Variants in GRM5 observed in about 807,000 individuals in gnomAD.
GRM5 encodes glutamate metabotropic receptor 5, also known as metabotropic glutamate receptor 5.
Under a neutral mutation model 83.1 loss-of-function variants are expected in GRM5, and 19 were observed. That is an observed-to-expected ratio of 0.23 (90% CI 0.16 to 0.34). The LOEUF (loss-of-function observed/expected upper bound fraction) is 0.34. GRM5 is among the 10% of genes least tolerant of loss of function. GRM5 has a pLI of 1.00. For missense variants in GRM5, 1,160 were observed against 1,588.3 expected (o/e 0.73, Z 4.58); for synonymous variants, 675 against 633.6 (o/e 1.07, Z -0.98).
At chr11:89,000,718 A>C (rs1044016056) in intron 2 of GRM5, among the ~76,000 whole-genome samples, 3 of 152,164 alleles carry the variant, frequency 2.0e-5, no homozygotes, top group Non-Finnish European at 2.9e-5. Flanking sequence ...AACAAAATTA[A>C]AAACTGCTCT....
Position 88,509,011 on chromosome 11 carries a change from C to G in GRM5, c.3220G>C (p.Glu1074Gln), listed in dbSNP as rs2135072109. Residue 1074 changes from glutamate to glutamine, a missense_variant, in exon 10 of 10, where the codon GAG becomes CAG. Coordinates refer to ENST00000305447, the MANE Select transcript of GRM5 (RefSeq NM_001143831.3). Reference sequence around the variant, plus strand: ...GTGGACAGCATCATGGAGTTGAGCTCGCTGATGTTGGCCGTGAAGCGGGTG... The same window carrying G: ...GTGGACAGCATCATGGAGTTGAGCTGGCTGATGTTGGCCGTGAAGCGGGTG... ...VVTRFTANIS[E>Q]LNSMMLSTAA... The G allele has an allele frequency of 6.4e-7, 1 of 1,574,580 alleles. No individual in the cohort carries two copies. The highest frequency in any genetic ancestry group is 8.6e-7 in the Non-Finnish European group (1 of 1,159,462).
At chr11:88,837,113 T>TA (rs1335052069) in intron 3 of GRM5, among the ~76,000 whole-genome samples, 22 of 152,096 alleles carry the variant, frequency 1.4e-4, no homozygotes, top group African/African-American at 4.1e-4. Flanking sequence ...TTATTTTTTT[T>TA]AAAAAAGAAA....
chr11:88,890,487 A>G (rs1050534005), intron 2 of GRM5, among the ~76,000 whole-genome samples: 2 of 149,838 alleles, frequency 1.3e-5, no homozygotes, highest in African/African-American at 4.8e-5. Flanking sequence ...AATGTCTACA[A>G]TAAGAGCTCT....
chr11:88,737,663 A>G (rs967648423), intron 3 of GRM5, among the ~76,000 whole-genome samples: 1 of 152,030 alleles, frequency 6.6e-6, no homozygotes, highest in Non-Finnish European at 1.5e-5. Flanking sequence ...ACATTTTGTG[A>G]TATTTTTTCA....
intron 4 of GRM5, among the ~76,000 whole-genome samples, chr11:88,605,836 T>C (rs1182839228): frequency 6.6e-6 from 1 of 152,238 alleles, no homozygotes; most frequent in Non-Finnish European, 1.5e-5. Context: ...ACTTAGTGCC[T>C]GTTATTTCTA....
chr11:89,000,203 T>C (rs1178926186), intron 2 of GRM5, among the ~76,000 whole-genome samples: 2 of 152,042 alleles, frequency 1.3e-5, no homozygotes, highest in East Asian at 3.9e-4. Context: ...CAAACCTGCA[T>C]GTTGTGCACA....
At chr11:88,957,158 C>T in intron 2 of GRM5, among the ~76,000 whole-genome samples, 1 of 152,300 alleles carries the variant, frequency 6.6e-6, no homozygotes, top group East Asian at 1.9e-4. Context: ...TGTTGAAAGA[C>T]TTGAACGATG....
chr11:88,877,008 TAAC>T (rs766494617), intron 2 of GRM5, among the ~76,000 whole-genome samples: 6 of 152,206 alleles, frequency 3.9e-5, no homozygotes, highest in Non-Finnish European at 7.4e-5. Context: ...ATTGGAATCT[TAAC>T]AAGTTGAGCT....
chr11:89,005,453 G>A lies in GRM5; in HGVS notation c.661+41759C>T, dbSNP rs550122233. Among the ~76,000 whole-genome samples, 16 of 152,228 alleles carry A rather than the reference G, an allele frequency of 1.1e-4. 1 individual carries two copies. The highest frequency in any genetic ancestry group is 8.3e-4 in the South Asian group (4 of 4,826). Reference sequence around the variant, plus strand: ...CAGGAAAGTCAAGGTGTAATTTTCCGTCTAACAATGGATAGTTATAAAGGG... The same window carrying A: ...CAGGAAAGTCAAGGTGTAATTTTCCATCTAACAATGGATAGTTATAAAGGG... On this transcript the variant is annotated intron_variant, in intron 2 of 9. Transcript: ENST00000305447.
intron 5 of GRM5, among the ~76,000 whole-genome samples, chr11:88,600,527 T>A (rs987032151): frequency 1.3e-5 from 2 of 152,116 alleles, no homozygotes; most frequent in South Asian, 2.1e-4. Flanking sequence ...TAAATAATTT[T>A]AAAAATAAAT....
intron 3 of GRM5, among the ~76,000 whole-genome samples, chr11:88,746,570 CAAA>C (rs11302390): frequency 1.9e-4 from 28 of 147,564 alleles, no homozygotes; most frequent in African/African-American, 2.7e-4. Flanking sequence ...ATTCTGGAGA[CAAA>C]AAAAAAAAAA....
At chr11:88,784,795 C>G (rs991837895) in intron 3 of GRM5, among the ~76,000 whole-genome samples, 1 of 151,892 alleles carries the variant, frequency 6.6e-6, no homozygotes, top group African/African-American at 2.4e-5. Flanking sequence ...GTCCATAAAC[C>G]CGATTAGCAG....
At chr11:88,981,144 C>T (rs1939507498) in intron 2 of GRM5, among the ~76,000 whole-genome samples, 1 of 152,192 alleles carries the variant, frequency 6.6e-6, no homozygotes, top group South Asian at 2.1e-4. Context: ...AACCTCATTT[C>T]ATCAATGCTT....
chr11:88,572,633 C>T (rs1943027433), intron 7 of GRM5, among the ~76,000 whole-genome samples: 1 of 152,042 alleles, frequency 6.6e-6, no homozygotes, highest in Non-Finnish European at 1.5e-5. Flanking sequence ...TAATGCTAAC[C>T]TCATTATGAT....
intron 3 of GRM5, among the ~76,000 whole-genome samples, chr11:88,773,519 C>T (rs925701755): frequency 2.0e-5 from 3 of 152,024 alleles, no homozygotes; most frequent in Non-Finnish European, 2.9e-5. Context: ...GTCATGAAAC[C>T]CTTGCCCATG....
chr11:88,834,867 G>A (rs1266417265), intron 3 of GRM5, among the ~76,000 whole-genome samples: 1 of 152,156 alleles, frequency 6.6e-6, no homozygotes, highest in Non-Finnish European at 1.5e-5. Context: ...CTTACTTGCA[G>A]AGAAACATAT....
chr11:88,764,800 A>T (rs1591498161), intron 3 of GRM5, among the ~76,000 whole-genome samples: 1 of 151,598 alleles, frequency 6.6e-6, no homozygotes, highest in East Asian at 1.9e-4. Flanking sequence ...TAGAATAAAA[A>T]CAAACTAAAC....
intron 8 of GRM5, among the ~76,000 whole-genome samples, chr11:88,531,487 C>T (rs1295113072): frequency 2.0e-5 from 3 of 152,100 alleles, no homozygotes; most frequent in African/African-American, 4.8e-5. Context: ...GAATTCTTTC[C>T]TCATTTTTCT....
intron 2 of GRM5, among the ~76,000 whole-genome samples, chr11:88,858,236 G>T (rs1944506251): frequency 6.6e-6 from 1 of 152,010 alleles, no homozygotes; most frequent in Admixed American, 6.6e-5. Flanking sequence ...CGTAACATTT[G>T]ATGAACTCTT....
Sources: gnomAD v4.1 joint callset for allele counts (sites outside exome capture counted in the v4.1 genomes callset) on GRCh38, gnomAD v4.1.1 for gene constraint, MANE v1.5 for transcripts, NCBI Gene and HGNC (gene_info 2026-07-23, HGNC 2026-07-21) for gene names.